ALDH1A1: variants seen among roughly 807,000 people sequenced by gnomAD.
The protein encoded by ALDH1A1 is aldehyde dehydrogenase 1A1.
A neutral mutation model predicts 62.1 loss-of-function variants in ALDH1A1; 19 were observed. The ratio of observed to expected loss-of-function variants is 0.31; its 90% CI spans 0.21 to 0.45. The LOEUF (loss-of-function observed/expected upper bound fraction) is 0.45, where lower values mean the gene tolerates loss of function less well. ALDH1A1 is among the 20% of genes least tolerant of loss of function. The pLI, the probability that ALDH1A1 is intolerant of heterozygous loss-of-function variation, is 1.00. For missense variants in ALDH1A1, 521 were observed against 607.1 expected (o/e 0.86, Z 1.49); for synonymous variants, 231 against 215.9 (o/e 1.07, Z -0.61).
chr9:72,941,406 A>G (rs1174006473), intron 1 of ALDH1A1, among the ~76,000 whole-genome samples: 2 of 152,184 alleles, frequency 1.3e-5, no homozygotes. Context: ...GTATATTACT[A>G]TATATCCCTA....
intron 7 of ALDH1A1, among the ~76,000 whole-genome samples, chr9:72,919,873 A>G (rs1442654676): frequency 2.0e-5 from 3 of 152,184 alleles, no homozygotes; most frequent in South Asian, 2.1e-4. Context: ...TTTGTTTTCA[A>G]TTATTTTTTC....
At chr9:72,926,334 A>C (rs1015074887) in intron 5 of ALDH1A1, among the ~76,000 whole-genome samples, 21 of 152,246 alleles carry the variant, frequency 1.4e-4, no homozygotes, top group African/African-American at 4.8e-4. Flanking sequence ...TTTTGAATTA[A>C]TAAGCAATTT....
chr9:72,944,057 G>A (rs1477705285), intron 1 of ALDH1A1, among the ~76,000 whole-genome samples: 2 of 152,014 alleles, frequency 1.3e-5, no homozygotes, highest in Non-Finnish European at 2.9e-5. Context: ...CACAGATAAG[G>A]CCTGACATTG....
At chr9:72,927,094 A>G in intron 5 of ALDH1A1, 22 bp downstream of exon 5, 3 of 1,555,182 alleles carry the variant, frequency 1.9e-6, no homozygotes, top group Non-Finnish European at 2.6e-6. Flanking sequence ...AAAATTGAGA[A>G]TTATATAGGA....
At chr9:72,943,631 T>TGAACTTGTGTTG (rs1470674077) in intron 1 of ALDH1A1, among the ~76,000 whole-genome samples, 2 of 152,178 alleles carry the variant, frequency 1.3e-5, no homozygotes, top group Non-Finnish European at 2.9e-5. Context: ...AACTTGTGTT[T>TGAACTTGTGTTG]GAACTTGTGT....
intron 10 of ALDH1A1, among the ~76,000 whole-genome samples, chr9:72,911,606 C>T (rs1418281647): frequency 2.0e-5 from 3 of 152,124 alleles, no homozygotes; most frequent in South Asian, 2.1e-4. Flanking sequence ...TGAGACCCTG[C>T]GGTATTTGTC....
intron 2 of ALDH1A1, among the ~76,000 whole-genome samples, chr9:72,937,801 G>T (rs1830363152): frequency 6.6e-6 from 1 of 152,218 alleles, no homozygotes; most frequent in South Asian, 2.1e-4. Flanking sequence ...CCCACAGACA[G>T]TGAGAAGCAG....
At position 72,901,156 on chromosome 9, in the gene ALDH1A1, T is replaced by G. The variant is rs532490620; in HGVS notation, c.*52A>C. 1 of 1,372,360 alleles carries G rather than the reference T, an allele frequency of 7.3e-7. No individual in the cohort carries two copies. The highest frequency in any genetic ancestry group is 1.2e-5 in the South Asian group (1 of 85,334). 85.0% of individuals were successfully genotyped at this position (1,372,360 alleles called of 1,614,324 possible). Reference sequence around the variant, plus strand: ...CTTTAAAATCTACTATATTAGTGACTGTAAGGAGATGCTTAGCTATTGAAG... The same window carrying G: ...CTTTAAAATCTACTATATTAGTGACGGTAAGGAGATGCTTAGCTATTGAAG... On this transcript the variant is annotated 3_prime_UTR_variant, in exon 13 of 13. Transcript: ENST00000297785.
chr9:72,917,219 G>T (rs1250504589), intron 8 of ALDH1A1, 115 bp from the exon 9 acceptor site: 1 of 789,378 alleles, frequency 1.3e-6, no homozygotes, highest in South Asian at 6.2e-5. Context: ...GTCAGACATG[G>T]GCTCAGTATA....
At chr9:72,931,173 TG>T (rs1031317174) in intron 2 of ALDH1A1, among the ~76,000 whole-genome samples, 154 bp from the exon 3 acceptor site, 1 of 152,196 alleles carries the variant, frequency 6.6e-6, no homozygotes, top group African/African-American at 2.4e-5. Flanking sequence ...ATTCAACTAC[TG>T]TATGTTGGAA....
At chr9:72,930,515 T>G (rs1830267648) in intron 3 of ALDH1A1, among the ~76,000 whole-genome samples, 1 of 152,176 alleles carries the variant, frequency 6.6e-6, no homozygotes, top group Non-Finnish European at 1.5e-5. Context: ...AAGAGCTCAG[T>G]GGTCAAATGC....
chr9:72,916,100 T>C (rs933282444), intron 9 of ALDH1A1, among the ~76,000 whole-genome samples: 1 of 152,100 alleles, frequency 6.6e-6, no homozygotes, highest in Non-Finnish European at 1.5e-5. Context: ...TGGCCTCTAC[T>C]CACTAGATGC....
chr9:72,918,795 C>T lies in ALDH1A1; in HGVS notation c.775G>A (p.Gly259Arg), dbSNP rs1830097081. The change falls in exon 8 of 13, where the codon GGG becomes AGG. Residue 259 changes from glycine (G) to arginine (R), a missense_variant. Gly to Arg is a moderately radical substitution (Grantham distance 125, BLOSUM62 -2). Transcript: ENST00000297785. Reference sequence around the variant, plus strand: ...GTCACCCTCTTCAGATTGCTTTTCCCGGCAGCTTCTTTGATCAACTTGCCA... The same window carrying T: ...GTCACCCTCTTCAGATTGCTTTTCCTGGCAGCTTCTTTGATCAACTTGCCA... ...EVGKLIKEAA[G>R]KSNLKRVTLE... The T allele has an allele frequency of 6.2e-7, 1 of 1,613,894 alleles. No homozygotes were observed. Among genetic ancestry groups the T allele is most frequent in the Non-Finnish European group, 8.5e-7 (1 of 1,179,898 alleles).
In ALDH1A1 at chr9:72,908,458, A is replaced by AGAAG. The variant is rs368256480; in HGVS notation, c.1358+1143_1358+1144insCTTC. Among the ~76,000 whole-genome samples, 15 of 68,950 alleles carry AGAAG rather than the reference A, an allele frequency of 2.2e-4. 4 individuals are homozygous for AGAAG. Among genetic ancestry groups the AGAAG allele is most frequent in the Admixed American group, 7.3e-4 (4 of 5,492 alleles). 45.2% of individuals were successfully genotyped at this position (68,950 alleles called of 152,430 possible). A position where few individuals can be genotyped will look rare whatever the true frequency, so the allele number is the denominator to read the frequency against. On this transcript the variant is annotated intron_variant, in intron 11 of 12. Coordinates refer to ENST00000297785, the MANE Select transcript of ALDH1A1 (RefSeq NM_000689.5). ...TCAAAAAAAAAAAAAAAAAAAAAAA[A>AGAAG]AAGAAGAAAGAAAAGAAAAGAGAGA...
At chr9:72,945,240 G>T (rs944407511) in intron 1 of ALDH1A1, among the ~76,000 whole-genome samples, 1 of 151,992 alleles carries the variant, frequency 6.6e-6, no homozygotes, top group Non-Finnish European at 1.5e-5. Context: ...CTTATCTGCT[G>T]ATATGAGATT....
intron 1 of ALDH1A1, among the ~76,000 whole-genome samples, chr9:72,948,732 C>T (rs1830502677): frequency 6.6e-6 from 1 of 151,840 alleles, no homozygotes; most frequent in South Asian, 2.1e-4. Flanking sequence ...ATTCCACACA[C>T]CTTCCAGGAA....
At position 72,949,034 on chromosome 9, in the gene ALDH1A1, T is replaced by C. The variant is rs542839409; in HGVS notation, c.66+3901A>G. On this transcript the variant is annotated intron_variant, in intron 1 of 12. Transcript: ENST00000297785. The stretch of plus-strand genomic sequence containing the variant: ...CTCTTCTCCATTGAAAATATCTCTT[T>C]AACCCAGAAGGGTTAAACAAAACCA... Among the ~76,000 whole-genome samples the C allele has an allele frequency of 2.6e-5, 4 of 152,010 alleles. 1 individual carries two copies. The South Asian group carries it at 8.3e-4, about 31-fold the overall frequency.
At chr9:72,922,269 T>C (rs1403171374) in intron 7 of ALDH1A1, among the ~76,000 whole-genome samples, 2 of 152,220 alleles carry the variant, frequency 1.3e-5, no homozygotes, top group East Asian at 1.9e-4. Context: ...AACTCAAATT[T>C]AGTAAGGCTA....
intron 2 of ALDH1A1, among the ~76,000 whole-genome samples, chr9:72,938,205 T>G (rs993044713): frequency 6.6e-6 from 1 of 152,154 alleles, no homozygotes; most frequent in Non-Finnish European, 1.5e-5. Context: ...CCTTGGGTGT[T>G]GCTGACTTTA....
Sources: allele counts gnomAD v4.1 joint callset (sites outside exome capture counted in the v4.1 genomes callset), GRCh38; gene constraint gnomAD v4.1.1; transcripts MANE v1.5; gene names NCBI Gene and HGNC (gene_info 2026-07-23, HGNC 2026-07-21).